MTSS1: variants seen among roughly 807,000 people sequenced by gnomAD.
MTSS1 encodes the protein protein MTSS 1.
In MTSS1, 18 loss-of-function variants were observed where a neutral mutation model predicts 79.0. That is an observed-to-expected ratio of 0.23 (90% confidence interval 0.16 to 0.34). The LOEUF is 0.34. MTSS1 is among the 10% of genes least tolerant of loss of function. MTSS1 has a pLI of 1.00. For missense variants in MTSS1, 815 were observed against 986.2 expected, an observed-to-expected ratio of 0.83 and a Z score of 2.33; for synonymous variants, 341 against 368.6, an observed-to-expected ratio of 0.93 and a Z score of 0.86.
Position 124,582,053 on chromosome 8 carries a change from G to A in MTSS1, c.460+3034C>T, listed in dbSNP as rs558985586. On this transcript the variant is annotated intron_variant, in intron 6 of 13. Coordinates refer to ENST00000518547, the MANE Select transcript of MTSS1 (RefSeq NM_014751.6). This position sits in a 1 kb window ranked among gnomAD's most constrained non-coding sequence, Gnocchi z 4.8. ...TGCCGCCTCCGTCCCTCCACCTGTC[G>A]GCAATGCTGGCTCTGCCCCGTGCTC... Among the ~76,000 whole-genome samples the A allele has an allele frequency of 1.3e-4, 20 of 152,202 alleles. No homozygotes were observed. The highest frequency in any genetic ancestry group is 5.2e-4 in the Admixed American group (8 of 15,294).
In MTSS1 at chr8:124,604,104, T is replaced by G. The variant is rs531818857; in HGVS notation, c.209-12869A>C. Among the ~76,000 whole-genome samples, 4 of 152,128 alleles carry G rather than the reference T, an allele frequency of 2.6e-5. No individual in the cohort carries two copies. In the East Asian group the frequency reaches 7.7e-4, roughly 29 times the overall value. ...GGCAGGCGCCTGTAATCCCAGCTAC[T>G]CAGGAAGCTGAGGCAGGAAAATCGC... On this transcript the variant is annotated intron_variant, in intron 3 of 13. Transcript: ENST00000518547.
intron 3 of MTSS1, among the ~76,000 whole-genome samples, chr8:124,636,117 A>G (rs958009573): frequency 6.6e-6 from 1 of 152,076 alleles, no homozygotes; most frequent in African/African-American, 2.4e-5. Context: ...CTGTGCTGGA[A>G]CCTCAGCTAC....
At chr8:124,690,387 T>A (rs1029060853) in intron 3 of MTSS1, among the ~76,000 whole-genome samples, 1 of 152,196 alleles carries the variant, frequency 6.6e-6, no homozygotes, top group East Asian at 1.9e-4. Flanking sequence ...AATTCTGATA[T>A]CCCTCACTGT....
At chr8:124,623,688 A>C (rs1253947395) in intron 3 of MTSS1, among the ~76,000 whole-genome samples, 1 of 152,132 alleles carries the variant, frequency 6.6e-6, no homozygotes, top group Non-Finnish European at 1.5e-5. Flanking sequence ...GGCTGGAGTG[A>C]GTGTGCAGTG....
In MTSS1 at chr8:124,553,396, T is replaced by G. The variant is rs1420849005; in HGVS notation, c.1864A>C (p.Thr622Pro). 6.2e-7 allele frequency: 1 copy of G among 1,608,030 alleles called. No individual in the cohort carries two copies. The highest frequency in any genetic ancestry group is 8.5e-7 in the Non-Finnish European group (1 of 1,175,700). ...AACACCCCTGGGAGGTCTGGGACGG[T>G]TGGGGTCTTGACAGGGATCACGGGT... ...KTPVIPVKTP[T>P]VPDLPGVLPA... The change falls in exon 14 of 14, where the codon ACC becomes CCC. Residue 622 changes from threonine (T) to proline (P), a missense_variant. By Grantham distance (38) the Thr-to-Pro change is conservative. Around this residue, in one of 2 missense-constraint regions of MTSS1, gnomAD observed 590 missense variants for 620.8 expected, o/e 0.95. Coordinates refer to ENST00000518547, the MANE Select transcript of MTSS1 (RefSeq NM_014751.6). The surrounding 1 kb of genome is among the most constrained non-coding windows in gnomAD (Gnocchi z 6.0).
chr8:124,627,546 A>G (rs1814940542), intron 3 of MTSS1, among the ~76,000 whole-genome samples: 1 of 152,258 alleles, frequency 6.6e-6, no homozygotes, highest in Non-Finnish European at 1.5e-5. Flanking sequence ...TCCACAGCAC[A>G]GGGCCACAGC....
At chr8:124,707,680 C>T (rs1487335831) in intron 1 of MTSS1, among the ~76,000 whole-genome samples, 2 of 151,970 alleles carry the variant, frequency 1.3e-5, no homozygotes, top group East Asian at 3.9e-4. Flanking sequence ...TGCACTCCAG[C>T]CTAGGCGAAA....
At chr8:124,666,472 C>T (rs1427477021) in intron 3 of MTSS1, among the ~76,000 whole-genome samples, 4 of 151,594 alleles carry the variant, frequency 2.6e-5, no homozygotes, top group Non-Finnish European at 4.4e-5. Context: ...GACAAAGGAA[C>T]AAAGATATAA....
intron 9 of MTSS1, chr8:124,563,340 G>A (rs754331115): frequency 3.9e-5 from 12 of 306,542 alleles, no homozygotes; most frequent in Admixed American, 9.8e-5. Flanking sequence ...CCACCAAAAC[G>A]AGGGGAGCTG....
chr8:124,561,622 C>T (rs572207288), intron 10 of MTSS1, among the ~76,000 whole-genome samples: 2 of 151,856 alleles, frequency 1.3e-5, no homozygotes, highest in Admixed American at 6.6e-5. Flanking sequence ...CAGAAAGGGG[C>T]GTCAGTGCAC....
intron 3 of MTSS1, among the ~76,000 whole-genome samples, chr8:124,615,872 G>A (rs899873956): frequency 9.2e-5 from 14 of 152,184 alleles, no homozygotes; most frequent in African/African-American, 2.7e-4. Context: ...AGAACCAGCC[G>A]TTCAGGATCA....
intron 10 of MTSS1, 98 bp downstream of exon 10, chr8:124,562,684 G>C (rs7015374): frequency 0.4 from 466,362 of 1,167,334 alleles, 99,087 homozygotes; most frequent in Non-Finnish European, 0.45. Context: ...CAGTGGGCAG[G>C]GGATTGTCTA....
intron 1 of MTSS1, among the ~76,000 whole-genome samples, chr8:124,722,095 A>G (rs923048212): frequency 2.6e-5 from 4 of 151,822 alleles, no homozygotes; most frequent in Non-Finnish European, 4.4e-5. Context: ...AAAAAGACAC[A>G]CAGTTCAAAA....
At chr8:124,611,113 C>A (rs551278716) in intron 3 of MTSS1, among the ~76,000 whole-genome samples, 4 of 148,702 alleles carry the variant, frequency 2.7e-5, no homozygotes, top group South Asian at 4.3e-4. Context: ...CAGACCCCCC[C>A]CCCCCAGCAT....
chr8:124,553,266 C>T lies in MTSS1; in HGVS notation c.1994G>A (p.Trp665Ter), dbSNP rs1172990260. Residue 665 changes from tryptophan to a stop codon, truncating the protein, a stop_gained, in exon 14 of 14, where the codon TGG becomes TAG. Coordinates refer to ENST00000518547, the MANE Select transcript of MTSS1 (RefSeq NM_014751.6). LOFTEE classifies it high-confidence loss of function. The surrounding 1 kb of genome is among the most constrained non-coding windows in gnomAD (Gnocchi z 6.0). ...AGGGTTAACGGAAGCTTGGCCGCTC[C>T]ACATTGAGGAGGGCATGCTGGTGAC... is the stretch of plus-strand genomic sequence containing the variant. ...QGVTSMPSSM[W>*]SGQASVNPPL... 6.2e-7 allele frequency: 1 copy of T among 1,614,180 alleles called. No homozygotes were observed. The highest frequency in any genetic ancestry group is 1.7e-5 in the Admixed American group (1 of 60,028).
At chr8:124,636,705 A>G (rs2133912227) in intron 3 of MTSS1, among the ~76,000 whole-genome samples, 1 of 152,296 alleles carries the variant, frequency 6.6e-6, no homozygotes, top group Admixed American at 6.5e-5. Flanking sequence ...AAGAGTCTCA[A>G]AGTCTTCCTT....
chr8:124,559,507 G>T (rs11988399), intron 10 of MTSS1, among the ~76,000 whole-genome samples: 17,934 of 152,156 alleles, frequency 0.12, 1,200 homozygotes, highest in East Asian at 0.17. Flanking sequence ...TGGCCATTGT[G>T]GGGTGGAATG....
At chr8:124,700,148 A>G (rs1829502116) in intron 2 of MTSS1, among the ~76,000 whole-genome samples, 2 of 151,420 alleles carry the variant, frequency 1.3e-5, no homozygotes, top group African/African-American at 2.4e-5. Flanking sequence ...CAAAAAAAAA[A>G]AGAAAAAAGA....
chr8:124,599,775 T>C (rs958695296), intron 3 of MTSS1, among the ~76,000 whole-genome samples: 3 of 152,056 alleles, frequency 2.0e-5, no homozygotes, highest in Non-Finnish European at 4.4e-5. Flanking sequence ...TCCCACACAC[T>C]TGGATGGCAG....
Sources: allele counts gnomAD v4.1 joint callset (sites outside exome capture counted in the v4.1 genomes callset), GRCh38; gene constraint gnomAD v4.1.1; regional missense constraint gnomAD v4.1.1; non-coding constraint Gnocchi (gnomAD v3.1); transcripts MANE v1.5; gene names NCBI Gene and HGNC (gene_info 2026-07-23, HGNC 2026-07-21).